ZRANB3: variants seen among roughly 807,000 people sequenced by gnomAD.
The protein encoded by ZRANB3 is DNA annealing helicase and endonuclease ZRANB3.
ZRANB3 carries 125 observed loss-of-function variants against 133.8 expected under a neutral mutation model. That is an observed-to-expected ratio of 0.93 (90% CI 0.81 to 1.08). The LOEUF (loss-of-function observed/expected upper bound fraction) is 1.08. Ranked by LOEUF, ZRANB3 falls within the 50% of genes least tolerant of loss-of-function variation. ZRANB3 has a pLI of 0.00. For missense variants in ZRANB3, 1,229 were observed against 1,275.5 expected, an observed-to-expected ratio of 0.96 and a Z score of 0.56; for synonymous variants, 387 against 432.7, an observed-to-expected ratio of 0.89 and a Z score of 1.31.
At chr2:135,380,378 T>C (rs1214797054) in intron 3 of ZRANB3, among the ~76,000 whole-genome samples, 2 of 152,132 alleles carry the variant, frequency 1.3e-5, no homozygotes, top group African/African-American at 4.8e-5. Context: ...CAGCATCACA[T>C]CGCACTTATT....
chr2:135,331,567 T>C (rs1394919648), intron 6 of ZRANB3, among the ~76,000 whole-genome samples: 1 of 152,200 alleles, frequency 6.6e-6, no homozygotes, highest in African/African-American at 2.4e-5. Flanking sequence ...TAGATGTCTA[T>C]TAGGTCTGCA....
intron 2 of ZRANB3, among the ~76,000 whole-genome samples, chr2:135,415,255 T>A (rs1688510095): frequency 6.7e-6 from 1 of 149,992 alleles, no homozygotes. Context: ...ATAGACGCAA[T>A]AAAAAATGAT....
intron 2 of ZRANB3, among the ~76,000 whole-genome samples, chr2:135,400,343 T>C (rs6715171): frequency 0.27 from 40,676 of 151,964 alleles, 9,139 homozygotes; most frequent in African/African-American, 0.6. Context: ...TTTGTTTCTT[T>C]GTCTAGTCTT....
intron 2 of ZRANB3, among the ~76,000 whole-genome samples, chr2:135,493,879 C>T (rs1384166204): frequency 6.6e-6 from 1 of 152,124 alleles, no homozygotes; most frequent in Non-Finnish European, 1.5e-5. Context: ...AAATGTCCAT[C>T]ACCAAGTAAA....
intron 6 of ZRANB3, among the ~76,000 whole-genome samples, chr2:135,325,810 G>A (rs552945089): frequency 6.6e-6 from 1 of 152,210 alleles, no homozygotes; most frequent in East Asian, 1.9e-4. Flanking sequence ...TAAAAAGAGA[G>A]GCTTTAGATA....
chr2:135,483,695 T>C (rs1691953281), intron 2 of ZRANB3, among the ~76,000 whole-genome samples: 1 of 152,178 alleles, frequency 6.6e-6, no homozygotes, highest in Non-Finnish European at 1.5e-5. Context: ...TTCTTTTAAT[T>C]GTGATGTTAG....
intron 2 of ZRANB3, among the ~76,000 whole-genome samples, chr2:135,409,006 T>C (rs918238845): frequency 6.6e-6 from 1 of 151,792 alleles, no homozygotes; most frequent in Non-Finnish European, 1.5e-5. Context: ...TGAGGCTCAG[T>C]AATTTATAAA....
chr2:135,527,596 T>C lies in ZRANB3; in HGVS notation c.-8+3531A>G, dbSNP rs147362181. Among the ~76,000 whole-genome samples, 36 of 152,274 alleles carry C rather than the reference T, an allele frequency of 2.4e-4. No individual in the cohort carries two copies. In the East Asian group the frequency reaches 6.4e-3, roughly 27 times the overall value. On this transcript the variant is annotated intron_variant, in intron 1 of 20. Coordinates refer to ENST00000264159, the MANE Select transcript of ZRANB3 (RefSeq NM_032143.4). ...ATGGTTAAGATGATATATTGTGTTA[T>C]GCGTTTTTAACACAATAAAAAATAA...
chr2:135,252,556 A>T (rs1368868766), intron 12 of ZRANB3, among the ~76,000 whole-genome samples: 3 of 152,146 alleles, frequency 2.0e-5, no homozygotes, highest in Non-Finnish European at 4.4e-5. Context: ...GTGTGTACCT[A>T]TGTACCATTA....
intron 12 of ZRANB3, among the ~76,000 whole-genome samples, chr2:135,261,389 C>A (rs1455026594): frequency 5.9e-5 from 9 of 152,098 alleles, no homozygotes; most frequent in African/African-American, 2.2e-4. Flanking sequence ...GCACACCCAC[C>A]TAAAGTCAAT....
At position 135,280,790 on chromosome 2, in the gene ZRANB3, A is replaced by G. The variant is rs563216473; in HGVS notation, c.967-5035T>C. 2.4e-3 allele frequency among the ~76,000 whole-genome samples: 372 copies of G among 152,352 alleles called. 1 individual carries two copies. The highest frequency in any genetic ancestry group is 8.7e-3 in the African/African-American group (363 of 41,578). ...AAGACAAAAACTTCAAACCTGAGCT[A>G]TGACAAAGACTCTCCTTTGACCTAA... is the stretch of plus-strand genomic sequence containing the variant. On this transcript the variant is annotated intron_variant, in intron 8 of 20. Transcript: ENST00000264159.
chr2:135,345,532 GA>G lies in ZRANB3; in HGVS notation c.677+17del. The stretch of plus-strand genomic sequence containing the variant: ...TAAACATGTGAGGAAAAAATTTACG[GA>G]AAATAGTTTAACTTACCTGATGTGT... On this transcript the variant is annotated intron_variant, in intron 6 of 20. Coordinates refer to ENST00000264159, the MANE Select transcript of ZRANB3 (RefSeq NM_032143.4). 6.3e-7 allele frequency: 1 copy of G among 1,575,718 alleles called. No homozygotes were observed. Among genetic ancestry groups the G allele is most frequent in the Admixed American group, 1.9e-5 (1 of 53,622 alleles).
At chr2:135,511,914 C>A (rs1693478165) in intron 1 of ZRANB3, 1 of 763,136 alleles carries the variant, frequency 1.3e-6, no homozygotes, top group Non-Finnish European at 2.4e-6. Flanking sequence ...CCCACCCAAC[C>A]AGCAGGGGAC....
chr2:135,484,342 A>G (rs1213208374), intron 2 of ZRANB3, among the ~76,000 whole-genome samples: 1 of 152,250 alleles, frequency 6.6e-6, no homozygotes, highest in Non-Finnish European at 1.5e-5. Flanking sequence ...TAATAATTTC[A>G]TTCAATCACA....
intron 2 of ZRANB3, among the ~76,000 whole-genome samples, chr2:135,478,922 T>C (rs1044794490): frequency 1.3e-5 from 2 of 151,888 alleles, no homozygotes; most frequent in Admixed American, 6.6e-5. Flanking sequence ...TGTATATATG[T>C]AAACATATGT....
chr2:135,429,125 G>A (rs113923155), intron 2 of ZRANB3, among the ~76,000 whole-genome samples: 1,731 of 152,248 alleles, frequency 0.011, 33 homozygotes, highest in African/African-American at 0.04. Context: ...CAAAGACATG[G>A]AATCAATCTA....
chr2:135,470,775 A>G (rs1386902612), intron 2 of ZRANB3, among the ~76,000 whole-genome samples: 1 of 151,644 alleles, frequency 6.6e-6, no homozygotes, highest in East Asian at 1.9e-4. Flanking sequence ...TACAGAAAAT[A>G]ATTTTTTTAA....
At chr2:135,332,062 T>C (rs1201113993) in intron 6 of ZRANB3, among the ~76,000 whole-genome samples, 1 of 152,096 alleles carries the variant, frequency 6.6e-6, no homozygotes, top group Admixed American at 6.6e-5. Context: ...ATTCATTACA[T>C]GTAAGATAGA....
At chr2:135,234,361 C>A (rs1398560694) in intron 12 of ZRANB3, among the ~76,000 whole-genome samples, 2 of 152,032 alleles carry the variant, frequency 1.3e-5, no homozygotes, top group African/African-American at 4.8e-5. Flanking sequence ...TTTAACACCC[C>A]ACTGTCAACA....
Sources: gnomAD v4.1 joint callset for allele counts (sites outside exome capture counted in the v4.1 genomes callset) on GRCh38, gnomAD v4.1.1 for gene constraint, MANE v1.5 for transcripts, NCBI Gene and HGNC (gene_info 2026-07-23, HGNC 2026-07-21) for gene names.